The following ABCC8 variants were observed in gnomAD, a reference collection of about 807,000 sequenced individuals.
The protein encoded by ABCC8 is ATP-binding cassette sub-family C member 8.
Under a neutral mutation model 188.0 loss-of-function variants are expected in ABCC8, and 137 were observed. The observed-to-expected ratio is 0.73, with a 90% confidence interval of 0.63 to 0.84. ABCC8 has a LOEUF of 0.84. ABCC8 is among the 40% of genes least tolerant of loss of function. The pLI is 0.00. For missense variants in ABCC8, 1,750 were observed against 2,072.7 expected, an observed-to-expected ratio of 0.84 and a Z score of 3.02; for synonymous variants, 797 against 846.5, an observed-to-expected ratio of 0.94 and a Z score of 1.01.
intron 10 of ABCC8, chr11:17,435,873 C>T (rs1380903906): frequency 7.9e-7 from 1 of 1,263,430 alleles, no homozygotes; most frequent in Non-Finnish European, 1.2e-6. Context: ...ACAGGGACTT[C>T]ACGCATTCCA....
At position 17,404,163 on chromosome 11, in the gene ABCC8, T is replaced by C. The variant is rs1954386955; in HGVS notation, c.3557+349A>G. On this transcript the variant is annotated intron_variant, in intron 28 of 38. Coordinates refer to ENST00000389817, the MANE Select transcript of ABCC8 (RefSeq NM_000352.6). The surrounding 1 kb of genome is among the most constrained non-coding windows in gnomAD (Gnocchi z 4.7). Reference sequence around the variant, plus strand: ...ATCAGGTGCCCGCCGATTTCATGCATCAGCAATCAGCCTGACCACTAGAAT... The same window carrying C: ...ATCAGGTGCCCGCCGATTTCATGCACCAGCAATCAGCCTGACCACTAGAAT... Among the ~76,000 whole-genome samples, 1 of 152,164 alleles carries C rather than the reference T, an allele frequency of 6.6e-6. No individual in the cohort carries two copies. Among genetic ancestry groups the C allele is most frequent in the Admixed American group, 6.5e-5 (1 of 15,274 alleles).
intron 26 of ABCC8, chr11:17,406,367 A>G: frequency 1.8e-6 from 1 of 553,960 alleles, no homozygotes; most frequent in East Asian, 3.0e-5. Context: ...GGATGTGCAG[A>G]CGCTCACTTT....
rs573581788 is a variant in ABCC8 at position 17,423,605 on chromosome 11, G to A, written c.2222+3444C>T. ...CAGGACCGGGCGAGAGAGCAAAGAG[G>A]ATCCTGGAGAAATGAGACCCCTTCA... On this transcript the variant is annotated intron_variant, in intron 16 of 38. Transcript: ENST00000389817. Among the ~76,000 whole-genome samples, 16 of 152,264 alleles carry A rather than the reference G, an allele frequency of 1.1e-4. No homozygotes were observed. In the South Asian group the frequency reaches 2.3e-3, roughly 22 times the overall value.
At chr11:17,443,041 G>T in intron 9 of ABCC8, 137 bp downstream of exon 9, 1 of 1,506,494 alleles carries the variant, frequency 6.6e-7, no homozygotes. Context: ...CAAAGAAGCT[G>T]AGGCCTGGAC....
chr11:17,408,231 C>A, intron 23 of ABCC8, 161 bp downstream of exon 23: 2 of 674,912 alleles, frequency 3.0e-6, no homozygotes, highest in East Asian at 2.6e-5. Flanking sequence ...GGCACAGGTA[C>A]TGTCTCTCCT....
Position 17,410,508 on chromosome 11 carries a change from C to T in ABCC8, c.2694+8G>A. 6.2e-7 allele frequency: 1 copy of T among 1,614,126 alleles called. No homozygotes were observed. The highest frequency in any genetic ancestry group is 1.1e-5 in the South Asian group (1 of 91,084). ...CCCCTATAGCCTGACCCCCTTGTTC[C>T]CCCTCACCCAGTCTGCATGGGGCAG... On this transcript the variant is annotated splice_region_variant and intron_variant, in intron 22 of 38. Transcript: ENST00000389817.
rs1954402777 is a variant in ABCC8 at position 17,404,395 on chromosome 11, T to C, written c.3557+117A>G. ...TTTCTATTTCCTTCATTTCTGTTTTTTGTTTTTATTTTTTGGAGGGAACAC... is the reference window on the plus strand; with the variant it reads ...TTTCTATTTCCTTCATTTCTGTTTTCTGTTTTTATTTTTTGGAGGGAACAC... On this transcript the variant is annotated intron_variant, in intron 28 of 38. Transcript: ENST00000389817. The surrounding 1 kb of genome is among the most constrained non-coding windows in gnomAD (Gnocchi z 4.7). The C allele has an allele frequency of 6.5e-6, 7 of 1,075,554 alleles. No individual in the cohort carries two copies. The Admixed American group carries it at 8.9e-5, about 14-fold the overall frequency. 66.6% of individuals were successfully genotyped at this position (1,075,554 alleles called of 1,614,324 possible).
chr11:17,415,040 C>A (rs1955000671), intron 18 of ABCC8, among the ~76,000 whole-genome samples: 1 of 145,038 alleles, frequency 6.9e-6, no homozygotes, highest in Non-Finnish European at 1.5e-5. Flanking sequence ...GCCAAGGAAG[C>A]CACATTTTGA....
chr11:17,415,170 G>C (rs2133481465), intron 18 of ABCC8, 134 bp downstream of exon 18: 6 of 1,271,498 alleles, frequency 4.7e-6, no homozygotes, highest in East Asian at 5.1e-5. Context: ...TGGAGCACAG[G>C]GGCCCTCCCT....
chr11:17,397,376 A>G, intron 31 of ABCC8, 63 bp from the exon 32 acceptor site: 1 of 1,600,808 alleles, frequency 6.2e-7, no homozygotes, highest in Non-Finnish European at 8.5e-7. Flanking sequence ...CAGCCACCAG[A>G]ATGGCTCTTC....
Position 17,449,385 on chromosome 11 carries a change from G to A in ABCC8, c.1177-714C>T, listed in dbSNP as rs75744457. ...AGCCTAGGGAGGGGATCTGCTCTGA[G>A]ACCAAGTCCTGTCATAATTGAGCCT... is the stretch of plus-strand genomic sequence containing the variant. On this transcript the variant is annotated intron_variant, in intron 7 of 38. Transcript: ENST00000389817. Among the ~76,000 whole-genome samples, 913 of 152,310 alleles carry A rather than the reference G, an allele frequency of 6.0e-3. 7 individuals carry two copies. Among genetic ancestry groups the A allele is most frequent in the African/African-American group, 0.021 (882 of 41,556 alleles).
chr11:17,392,966 G>A lies in ABCC8; in HGVS notation c.*25C>T. 1 of 1,612,850 alleles carries A rather than the reference G, an allele frequency of 6.2e-7. No homozygotes were observed. The highest frequency in any genetic ancestry group is 2.2e-5 in the East Asian group (1 of 44,884). ...AGGGGTATGGGCAGGGTCCGAATGT[G>A]GGATGGCACTTGGGCTCTGGCAGGT... On this transcript the variant is annotated 3_prime_UTR_variant, in exon 39 of 39. Transcript: ENST00000389817.
In ABCC8 at chr11:17,408,281, C is replaced by A. The variant is rs544536743; in HGVS notation, c.2820+111G>T. ...TTCATGCCCAGCTCCCACATCTGCC[C>A]TTTAGGGGGCTTCCTGGGGCACTAA... On this transcript the variant is annotated intron_variant, in intron 23 of 38. Transcript: ENST00000389817. The A allele has an allele frequency of 7.3e-6, 8 of 1,093,396 alleles. No individual in the cohort carries two copies. The African/African-American group carries it at 7.8e-5, about 11-fold the overall frequency. 67.7% of individuals were successfully genotyped at this position (1,093,396 alleles called of 1,614,324 possible).
Position 17,476,782 on chromosome 11 carries a change from C to T in ABCC8, c.-6G>A, listed in dbSNP as rs1435268351. On this transcript the variant is annotated 5_prime_UTR_variant, in exon 1 of 39. Coordinates refer to ENST00000389817, the MANE Select transcript of ABCC8 (RefSeq NM_000352.6). ...CCGCAGAAGGCCAGGGGCATGGCGG[C>T]GCGGGCGCGGGCTGGGCTCGGGCTC... 1 of 1,546,338 alleles carries T rather than the reference C, an allele frequency of 6.5e-7. No individual in the cohort carries two copies. The highest frequency in any genetic ancestry group is 1.4e-5 in the African/African-American group (1 of 71,538).
downstream of ABCC8, chr11:17,392,725 A>G (rs755342943): frequency 1.3e-4 from 68 of 518,488 alleles, no homozygotes; most frequent in Admixed American, 4.6e-4. Context: ...AGTCTGTGAT[A>G]TGTTGTTGTG....
At chr11:17,467,374 T>C (rs1029917098) in intron 3 of ABCC8, among the ~76,000 whole-genome samples, 1 of 152,158 alleles carries the variant, frequency 6.6e-6, no homozygotes, top group African/African-American at 2.4e-5. Flanking sequence ...CCCAAGGTGG[T>C]GCCACTGCAC....
Position 17,427,970 on chromosome 11 carries a change from G to A in ABCC8, c.2041-28C>T, listed in dbSNP as rs116419577. The A allele has an allele frequency of 2.1e-3, 3,436 of 1,609,936 alleles. 67 individuals are homozygous for A. The African/African-American group carries it at 0.041, about 19-fold the overall frequency. ...TCATTAGGCGTGTCCCACCGCCCAG[G>A]AGAGAACAGAAAGGCAGCCAGTTCC... On this transcript the variant is annotated intron_variant, in intron 14 of 38. Coordinates refer to ENST00000389817, the MANE Select transcript of ABCC8 (RefSeq NM_000352.6). This position sits in a 1 kb window ranked among gnomAD's most constrained non-coding sequence, Gnocchi z 5.0.
At chr11:17,420,638 G>A (rs1329423645) in intron 16 of ABCC8, among the ~76,000 whole-genome samples, 2 of 152,282 alleles carry the variant, frequency 1.3e-5, no homozygotes, top group East Asian at 3.9e-4. Flanking sequence ...AACCACCACA[G>A]GCAACAGCAT....
intron 28 of ABCC8, 52 bp from the exon 29 acceptor site, chr11:17,402,805 C>T: frequency 1.9e-6 from 3 of 1,608,184 alleles, no homozygotes; most frequent in Middle Eastern, 1.7e-4. Flanking sequence ...CAGGGCTCGG[C>T]CTGGGCCTGA....
Sources: allele counts gnomAD v4.1 joint callset (sites outside exome capture counted in the v4.1 genomes callset), GRCh38; gene constraint gnomAD v4.1.1; non-coding constraint Gnocchi (gnomAD v3.1); transcripts MANE v1.5; gene names NCBI Gene and HGNC (gene_info 2026-07-23, HGNC 2026-07-21).